Variants in PDZRN3 observed in about 807,000 individuals in gnomAD.
PDZRN3 encodes PDZ domain containing ring finger 3.
In PDZRN3, 38 loss-of-function variants were observed where a neutral mutation model predicts 85.7. That is an observed-to-expected ratio of 0.44 (90% CI 0.34 to 0.58). The LOEUF (loss-of-function observed/expected upper bound fraction) is 0.58. PDZRN3 is among the 20% of genes least tolerant of loss of function. PDZRN3 has a pLI of 0.01. For synonymous variants in PDZRN3, 759 were observed against 638.0 expected, an observed-to-expected ratio of 1.19 and a Z score of -2.86; for missense variants, 1,629 against 1,506.4, an observed-to-expected ratio of 1.08 and a Z score of -1.35.
chr3:73,496,380 G>C (rs1294377594), intron 3 of PDZRN3, among the ~76,000 whole-genome samples: 1 of 454 alleles, frequency 2.2e-3, no homozygotes, highest in Non-Finnish European at 6.0e-3. Context: ...TACGAACATA[G>C]AGAACTAACT....
At chr3:73,579,826 CTCTG>C (rs1318698005) in intron 3 of PDZRN3, among the ~76,000 whole-genome samples, 1 of 151,822 alleles carries the variant, frequency 6.6e-6, no homozygotes, top group Non-Finnish European at 1.5e-5. Flanking sequence ...TATGGAGTGT[CTCTG>C]TGTGTGTGTG....
chr3:73,431,742 A>C (rs1702435593), intron 3 of PDZRN3, among the ~76,000 whole-genome samples: 1 of 152,202 alleles, frequency 6.6e-6, no homozygotes, highest in Non-Finnish European at 1.5e-5. Flanking sequence ...GATGGAAGTC[A>C]TTTATCAGCA....
intron 3 of PDZRN3, among the ~76,000 whole-genome samples, chr3:73,514,443 C>A (rs980207449): frequency 4.6e-5 from 7 of 152,026 alleles, no homozygotes; most frequent in Non-Finnish European, 8.8e-5. Flanking sequence ...AAGACTGGGT[C>A]GAGGAAGGAG....
intron 3 of PDZRN3, among the ~76,000 whole-genome samples, chr3:73,493,668 A>C (rs1239027383): frequency 6.6e-6 from 1 of 152,140 alleles, no homozygotes; most frequent in Non-Finnish European, 1.5e-5. Context: ...TTCTCTCAAC[A>C]GGGTTCCACT....
At chr3:73,599,084 GCT>G (rs1398169871) in intron 3 of PDZRN3, among the ~76,000 whole-genome samples, 1 of 152,152 alleles carries the variant, frequency 6.6e-6, no homozygotes, top group East Asian at 1.9e-4. Context: ...CATAGACCTA[GCT>G]CTGTTTTACA....
At chr3:73,464,540 A>G (rs990031044) in intron 3 of PDZRN3, among the ~76,000 whole-genome samples, 1 of 152,248 alleles carries the variant, frequency 6.6e-6, no homozygotes, top group East Asian at 1.9e-4. Context: ...TCATCTATAA[A>G]TGATAACTAT....
At chr3:73,604,103 G>A (rs1054865616) in intron 2 of PDZRN3, among the ~76,000 whole-genome samples, 2 of 152,130 alleles carry the variant, frequency 1.3e-5, no homozygotes, top group Non-Finnish European at 2.9e-5. Flanking sequence ...TCCTCAAAAG[G>A]CATCCCTGCC....
At chr3:73,520,938 A>G (rs1704349927) in intron 3 of PDZRN3, among the ~76,000 whole-genome samples, 1 of 152,222 alleles carries the variant, frequency 6.6e-6, no homozygotes, top group Non-Finnish European at 1.5e-5. Flanking sequence ...CAGTGGGCTG[A>G]GGCCAGAGCC....
At chr3:73,505,892 GTAA>G (rs1388619304) in intron 3 of PDZRN3, among the ~76,000 whole-genome samples, 1 of 152,078 alleles carries the variant, frequency 6.6e-6, no homozygotes, top group Non-Finnish European at 1.5e-5. Flanking sequence ...CAATCCCTCT[GTAA>G]TAAGCACAGA....
intron 3 of PDZRN3, among the ~76,000 whole-genome samples, chr3:73,446,726 A>T (rs1702755028): frequency 6.6e-6 from 1 of 152,060 alleles, no homozygotes; most frequent in African/African-American, 2.4e-5. Flanking sequence ...GGCGATGTGA[A>T]CCTTCCCTTA....
chr3:73,523,158 T>C (rs754741910), intron 3 of PDZRN3, among the ~76,000 whole-genome samples: 6 of 152,070 alleles, frequency 3.9e-5, no homozygotes, highest in Non-Finnish European at 8.8e-5. Flanking sequence ...GAGTAGCTGC[T>C]CAGGACTACA....
At chr3:73,425,209 T>C (rs1164032925) in intron 3 of PDZRN3, among the ~76,000 whole-genome samples, 1 of 151,790 alleles carries the variant, frequency 6.6e-6, no homozygotes, top group African/African-American at 2.4e-5. Flanking sequence ...TTAGTAGAGA[T>C]GGGGTTTCAC....
At chr3:73,552,225 AGTGTGTGTGTGTGTGT>A (rs55784793) in intron 3 of PDZRN3, among the ~76,000 whole-genome samples, 1 of 147,754 alleles carries the variant, frequency 6.8e-6, no homozygotes, top group Admixed American at 6.7e-5. Flanking sequence ...GAATTAAAGG[AGTGTGTGTGTGTGTGT>A]GTGTGTGTGT....
In PDZRN3 at chr3:73,486,384, A is replaced by C. The variant is rs1400776908; in HGVS notation, c.919-81989T>G. On this transcript the variant is annotated intron_variant, in intron 3 of 9. Coordinates refer to ENST00000263666, the MANE Select transcript of PDZRN3 (RefSeq NM_015009.3). The stretch of plus-strand genomic sequence containing the variant: ...GCAGGGCACTCATAGAATGGAGAAG[A>C]GCATGAGGTGGAAGGAAAAAAAAAT... Among the ~76,000 whole-genome samples, 5 of 94,276 alleles carry C rather than the reference A, an allele frequency of 5.3e-5. No homozygotes were observed. In the Admixed American group the frequency reaches 6.5e-4, roughly 12 times the overall value. 61.8% of individuals were successfully genotyped at this position (94,276 alleles called of 152,430 possible). A position where few individuals can be genotyped will look rare whatever the true frequency, so the allele number is the denominator to read the frequency against.
chr3:73,411,553 G>A (rs914926136), intron 3 of PDZRN3, among the ~76,000 whole-genome samples: 2 of 151,408 alleles, frequency 1.3e-5, no homozygotes, highest in Non-Finnish European at 2.9e-5. Flanking sequence ...AGAAGTGCTC[G>A]TATGGGCTGG....
intron 3 of PDZRN3, among the ~76,000 whole-genome samples, chr3:73,520,787 G>C (rs748044471): frequency 6.6e-6 from 1 of 152,102 alleles, no homozygotes; most frequent in Non-Finnish European, 1.5e-5. Context: ...AGCCCCTTGG[G>C]GAGGTAGTTT....
chr3:73,589,926 T>C (rs1172315636), intron 3 of PDZRN3, among the ~76,000 whole-genome samples: 3 of 152,224 alleles, frequency 2.0e-5, no homozygotes, highest in East Asian at 1.9e-4. Flanking sequence ...TATTCATATA[T>C]ATTTTACAAG....
intron 3 of PDZRN3, among the ~76,000 whole-genome samples, chr3:73,595,236 G>A (rs903944633): frequency 6.6e-6 from 1 of 152,134 alleles, no homozygotes; most frequent in Non-Finnish European, 1.5e-5. Flanking sequence ...TCTTCTCAAC[G>A]CAGCTTGAAT....
At chr3:73,563,021 T>A (rs1410686412) in intron 3 of PDZRN3, among the ~76,000 whole-genome samples, 631 of 44,828 alleles carry the variant, frequency 0.014, 1 homozygote, top group East Asian at 0.029. Context: ...ATATTTTTTT[T>A]TTTTTTTTTT....
Sources: allele counts gnomAD v4.1 joint callset (sites outside exome capture counted in the v4.1 genomes callset), GRCh38; gene constraint gnomAD v4.1.1; transcripts MANE v1.5; gene names NCBI Gene and HGNC (gene_info 2026-07-23, HGNC 2026-07-21).